The following LTBP3 variants were observed in gnomAD, a reference collection of about 807,000 sequenced individuals.
LTBP3 encodes latent transforming growth factor beta binding protein 3.
Under a neutral mutation model 159.7 loss-of-function variants are expected in LTBP3, and 97 were observed. That is an observed-to-expected ratio of 0.61 (90% CI 0.52 to 0.72). LTBP3 has a LOEUF of 0.72. Ranked by LOEUF, LTBP3 falls within the 30% of genes least tolerant of loss-of-function variation. The probability of loss-of-function intolerance (pLI) is 0.00; values close to 1 mark genes in which losing one functional copy is unlikely to be tolerated. For synonymous variants in LTBP3, 824 were observed against 777.1 expected (o/e 1.06, Z -1.00); for missense variants, 1,584 against 1,864.3 (o/e 0.85, Z 2.77).
At position 65,554,948 on chromosome 11, in the gene LTBP3, C is replaced by A. The variant is rs549638427; in HGVS notation, c.332-568G>T. Reference sequence around the variant, plus strand: ...ATGTCCACATCTCAAGACACAGACACAGCCCCCAGCCTTTCCAGGGCTCTC... The same window carrying A: ...ATGTCCACATCTCAAGACACAGACAAAGCCCCCAGCCTTTCCAGGGCTCTC... On this transcript the variant is annotated intron_variant, in intron 1 of 27. Coordinates refer to ENST00000301873, the MANE Select transcript of LTBP3 (RefSeq NM_001130144.3). This position sits in a 1 kb window ranked among gnomAD's most constrained non-coding sequence, Gnocchi z 5.3. Among the ~76,000 whole-genome samples, 2 of 152,240 alleles carry A rather than the reference C, an allele frequency of 1.3e-5. No individual in the cohort carries two copies. The highest frequency in any genetic ancestry group is 4.1e-4 in the South Asian group (2 of 4,830).
At position 65,553,363 on chromosome 11, in the gene LTBP3, TGGGTG is replaced by T; in HGVS notation, c.970+57_970+61del. The T allele has an allele frequency of 2.8e-6, 1 of 360,434 alleles. No individual in the cohort carries two copies. The highest frequency in any genetic ancestry group is 4.4e-6 in the Non-Finnish European group (1 of 225,540). 22.3% of individuals were successfully genotyped at this position (360,434 alleles called of 1,614,324 possible). On this transcript the variant is annotated intron_variant, in intron 4 of 27. Coordinates refer to ENST00000301873, the MANE Select transcript of LTBP3 (RefSeq NM_001130144.3). This position sits in a 1 kb window ranked among gnomAD's most constrained non-coding sequence, Gnocchi z 6.5. ...GACCTGGGGACTCCCACTGCAGGGA[TGGGTG>T]GGGTGGGTGGGGAGGGGCCACCAGA...
chr11:65,540,735 A>AGGAG lies in LTBP3; in HGVS notation c.2978-122_2978-121insCTCC, dbSNP rs144864964. 9,911 of 1,473,248 alleles carry AGGAG rather than the reference A, an allele frequency of 6.7e-3. 316 individuals are homozygous for AGGAG. In the African/African-American group the frequency reaches 0.079, roughly 12 times the overall value. The allele number at this position is 1,473,248 out of a possible 1,614,324, so 91.3% of individuals were successfully genotyped here. A position where few individuals can be genotyped will look rare whatever the true frequency, so the allele number is the denominator to read the frequency against. ...GGCCTACAGGAGGGGCGGGGCCTAC[A>AGGAG]GGGCGGGGCCTGCGAGGAAGGTGCG... On this transcript the variant is annotated intron_variant, in intron 21 of 27. Coordinates refer to ENST00000301873, the MANE Select transcript of LTBP3 (RefSeq NM_001130144.3).
Position 65,557,756 on chromosome 11 carries a change from C to T in LTBP3, c.204G>A (p.Pro68=), listed in dbSNP as rs982366439. 6.2e-7 allele frequency: 1 copy of T among 1,604,260 alleles called. No individual in the cohort carries two copies. ...ARERFKVVFA[P]VICKRTCLKG... ...TGAGACAGGTCCGCTTGCAGATCAC[C>T]GGCGCAAAGACCACCTTGAAGCGCT... is the stretch of plus-strand genomic sequence containing the variant. The change falls in exon 1 of 28, where the codon CCG becomes CCA. Residue 68 remains proline (P), a synonymous_variant. Coordinates refer to ENST00000301873, the MANE Select transcript of LTBP3 (RefSeq NM_001130144.3).
intron 11 of LTBP3, chr11:65,548,300 A>G: frequency 1.6e-6 from 1 of 620,130 alleles, no homozygotes. Context: ...TTCCCGGTTC[A>G]CTCCAAGACC....
Position 65,553,467 on chromosome 11 carries a change from CAG to C in LTBP3, c.926_927del (p.Thr309SerfsTer31). The C allele has an allele frequency of 6.2e-7, 1 of 1,612,504 alleles. No individual in the cohort carries two copies. The highest frequency in any genetic ancestry group is 8.5e-7 in the Non-Finnish European group (1 of 1,179,932). On this transcript the variant is annotated frameshift_variant, in exon 4 of 28. Transcript: ENST00000301873. LOFTEE classifies it high-confidence loss of function. The surrounding 1 kb of genome is among the most constrained non-coding windows in gnomAD (Gnocchi z 6.5). Reference protein sequence around the residue: ...KQEDCCGSIGTAWGQSKCHKC... With the variant: ...KQEDCCGSIGXAWGQSKCHKC... The stretch of plus-strand genomic sequence containing the variant: ...TTGTGGCACTTGCTCTGGCCCCAGG[CAG>C]TGCCGATGCTACCGCAGCAGTCTTC...
intron 21 of LTBP3, 24 bp from the exon 22 acceptor site, chr11:65,540,638 G>GCTC: frequency 6.3e-7 from 1 of 1,596,226 alleles, no homozygotes; most frequent in Non-Finnish European, 8.5e-7. Context: ...AACACTGGCC[G>GCTC]CTCCGGTCCC....
In LTBP3 at chr11:65,540,351, G is replaced by A; in HGVS notation, c.3138C>T (p.Cys1046=). The A allele has an allele frequency of 1.3e-6, 2 of 1,589,856 alleles. No individual in the cohort carries two copies. The highest frequency in any genetic ancestry group is 1.7e-6 in the Non-Finnish European group (2 of 1,169,476). ...GCGTGTTCTCACACACTCCGTTCCGGCAGTTGGACTCGTCCAGGCACTCGT... is the reference window on the plus strand; with the variant it reads ...GCGTGTTCTCACACACTCCGTTCCGACAGTTGGACTCGTCCAGGCACTCGT... ...DVDECLDESN[C]RNGVCENTRG... Residue 1046 remains cysteine (C), a synonymous_variant, in exon 23 of 28, where the codon TGC becomes TGT. Coordinates refer to ENST00000301873, the MANE Select transcript of LTBP3 (RefSeq NM_001130144.3).
rs140563368 is a variant in LTBP3 at position 65,542,931 on chromosome 11, AGGATGGATGGAT to A, written c.2596+162_2596+173del. On this transcript the variant is annotated intron_variant, in intron 18 of 27. Coordinates refer to ENST00000301873, the MANE Select transcript of LTBP3 (RefSeq NM_001130144.3). ...ATGAATGGAAGGATGGATGGATAGA[AGGATGGATGGAT>A]GGATGGATGGATGGATGGATGGATG... is the stretch of plus-strand genomic sequence containing the variant. 6,632 of 817,726 alleles carry A rather than the reference AGGATGGATGGAT, an allele frequency of 8.1e-3. 50 individuals are homozygous for A. The highest frequency in any genetic ancestry group is 0.01 in the Admixed American group (528 of 51,438). The allele number at this position is 817,726 out of a possible 1,614,324, so 50.7% of individuals were successfully genotyped here. A position where few individuals can be genotyped will look rare whatever the true frequency, so the allele number is the denominator to read the frequency against.
At chr11:65,541,047 C>G in intron 20 of LTBP3, 79 bp downstream of exon 20, 1 of 1,583,364 alleles carries the variant, frequency 6.3e-7, no homozygotes, top group Non-Finnish European at 8.6e-7. Flanking sequence ...TTCCCAACTG[C>G]CAGGGGGCGC....
Position 65,547,615 on chromosome 11 carries a change from A to C in LTBP3, c.1979-48T>G, listed in dbSNP as rs762673902. ...GAAGGGGGTGTAGGAGGCGGCGGGC[A>C]AGGGGAGGGATTACACGGCGGTCTG... On this transcript the variant is annotated intron_variant, in intron 13 of 27. Coordinates refer to ENST00000301873, the MANE Select transcript of LTBP3 (RefSeq NM_001130144.3). This position sits in a 1 kb window ranked among gnomAD's most constrained non-coding sequence, Gnocchi z 4.6. The C allele has an allele frequency of 1.4e-5, 22 of 1,610,632 alleles. No homozygotes were observed. Among genetic ancestry groups the C allele is most frequent in the South Asian group, 6.6e-5 (6 of 91,044 alleles).
intron 8 of LTBP3, 26 bp downstream of exon 8, chr11:65,551,946 A>T (rs374957550): frequency 1.9e-6 from 3 of 1,612,124 alleles, no homozygotes; most frequent in Non-Finnish European, 2.5e-6. Context: ...GGCATGGGTC[A>T]GGGATCAGAA....
At position 65,553,982 on chromosome 11, in the gene LTBP3, C is replaced by T; in HGVS notation, c.661+69G>A. 2 of 1,572,838 alleles carry T rather than the reference C, an allele frequency of 1.3e-6. No homozygotes were observed. The highest frequency in any genetic ancestry group is 1.7e-6 in the Non-Finnish European group (2 of 1,160,416). ...GCGCTGAGCTCCTCCAGGGCTGAAC[C>T]TGCCCTGCCCTGGCCACCCTAGTGC... On this transcript the variant is annotated intron_variant, in intron 2 of 27. Transcript: ENST00000301873. The surrounding 1 kb of genome is among the most constrained non-coding windows in gnomAD (Gnocchi z 6.5).
Position 65,551,541 on chromosome 11 carries a change from T to C in LTBP3, c.1548+7A>G. 6.2e-7 allele frequency: 1 copy of C among 1,614,006 alleles called. No homozygotes were observed. Among genetic ancestry groups the C allele is most frequent in the Non-Finnish European group, 8.5e-7 (1 of 1,179,998 alleles). On this transcript the variant is annotated splice_region_variant and intron_variant, in intron 9 of 27. Coordinates refer to ENST00000301873, the MANE Select transcript of LTBP3 (RefSeq NM_001130144.3). The stretch of plus-strand genomic sequence containing the variant: ...CCCACCCCTCCCATCTGGGTTCTCA[T>C]ACTCACTGAGTCCGTGGTCACCCCT...
rs1303358247 is a variant in LTBP3, at chr11:65,558,089, G to A, written c.-130C>T. 1 of 1,074,320 alleles carries A rather than the reference G, an allele frequency of 9.3e-7. No individual in the cohort carries two copies. The highest frequency in any genetic ancestry group is 4.5e-5 in the South Asian group (1 of 22,408). The allele number at this position is 1,074,320 out of a possible 1,614,324, so 66.5% of individuals were successfully genotyped here. A position where few individuals can be genotyped will look rare whatever the true frequency, so the allele number is the denominator to read the frequency against. On this transcript the variant is annotated 5_prime_UTR_variant, in exon 1 of 28. Coordinates refer to ENST00000301873, the MANE Select transcript of LTBP3 (RefSeq NM_001130144.3). Reference sequence around the variant, plus strand: ...AGCGAGGGAGGGCAGCGGGGGAAGCGGGCGGGAGGGGACCGCGGGGGCCCG... The same window carrying A: ...AGCGAGGGAGGGCAGCGGGGGAAGCAGGCGGGAGGGGACCGCGGGGGCCCG...
rs773485981 is a variant in LTBP3 at position 65,547,593 on chromosome 11, G to A, written c.1979-26C>T. The A allele has an allele frequency of 1.2e-6, 2 of 1,612,444 alleles. No individual in the cohort carries two copies. The highest frequency in any genetic ancestry group is 1.7e-6 in the Non-Finnish European group (2 of 1,179,066). On this transcript the variant is annotated intron_variant, in intron 13 of 27. Coordinates refer to ENST00000301873, the MANE Select transcript of LTBP3 (RefSeq NM_001130144.3). The surrounding 1 kb of genome is among the most constrained non-coding windows in gnomAD (Gnocchi z 4.6). Reference sequence around the variant, plus strand: ...CTGTGCGGGAGGAAGGGGCCACGAAGGGGGTGTAGGAGGCGGCGGGCAAGG... The same window carrying A: ...CTGTGCGGGAGGAAGGGGCCACGAAAGGGGTGTAGGAGGCGGCGGGCAAGG...
intron 11 of LTBP3, among the ~76,000 whole-genome samples, chr11:65,549,207 A>G (rs568228296): frequency 2.2e-4 from 33 of 152,316 alleles, no homozygotes; most frequent in African/African-American, 7.9e-4. Context: ...GACACTGCCC[A>G]TAGCCTCTGG....
At chr11:65,543,796 C>T in intron 16 of LTBP3, 1 of 543,506 alleles carries the variant, frequency 1.8e-6, no homozygotes, top group Non-Finnish European at 3.3e-6. Context: ...CTCCCTGCCC[C>T]AGCCGCTTTC....
At position 65,557,609 on chromosome 11, in the gene LTBP3, G is replaced by C; in HGVS notation, c.331+20C>G. The C allele has an allele frequency of 6.2e-7, 1 of 1,606,520 alleles. No homozygotes were observed. The highest frequency in any genetic ancestry group is 1.3e-5 in the African/African-American group (1 of 74,942). ...GGTGCCTGTCCTTCCCCTGCCCCCAGCCGTGCCCCCGGCCCTCACCCACGC... is the reference window on the plus strand; with the variant it reads ...GGTGCCTGTCCTTCCCCTGCCCCCACCCGTGCCCCCGGCCCTCACCCACGC... On this transcript the variant is annotated intron_variant, in intron 1 of 27. Coordinates refer to ENST00000301873, the MANE Select transcript of LTBP3 (RefSeq NM_001130144.3).
chr11:65,550,206 A>G (rs1856552081), intron 11 of LTBP3, among the ~76,000 whole-genome samples: 1 of 151,914 alleles, frequency 6.6e-6, no homozygotes, highest in African/African-American at 2.4e-5. Context: ...TCAGGAGATC[A>G]AGACCATCCT....
Sources: allele counts gnomAD v4.1 joint callset (sites outside exome capture counted in the v4.1 genomes callset), GRCh38; gene constraint gnomAD v4.1.1; non-coding constraint Gnocchi (gnomAD v3.1); transcripts MANE v1.5; gene names NCBI Gene and HGNC (gene_info 2026-07-23, HGNC 2026-07-21).